Variants in SPIDR observed in about 807,000 individuals in gnomAD.
SPIDR encodes the protein scaffold protein involved in DNA repair.
Under a neutral mutation model 104.6 loss-of-function variants are expected in SPIDR, and 93 were observed. The observed-to-expected ratio is 0.89, with a 90% confidence interval of 0.75 to 1.06. SPIDR has a LOEUF of 1.06. Among genes scored for constraint, SPIDR ranks in the 50% least tolerant of loss-of-function variants. SPIDR has a pLI of 0.00. For synonymous variants in SPIDR, 431 were observed against 416.9 expected, an observed-to-expected ratio of 1.03 and a Z score of -0.41; for missense variants, 1,154 against 1,111.2, an observed-to-expected ratio of 1.04 and a Z score of -0.55.
chr8:47,700,724 T>C (rs1563588951), intron 12 of SPIDR, among the ~76,000 whole-genome samples: 1 of 152,210 alleles, frequency 6.6e-6, no homozygotes, highest in Non-Finnish European at 1.5e-5. Flanking sequence ...CAGCATTTTC[T>C]TGAAGTTAAC....
chr8:47,535,684 G>T (rs1385943778), intron 8 of SPIDR, among the ~76,000 whole-genome samples: 2 of 151,808 alleles, frequency 1.3e-5, no homozygotes, highest in Non-Finnish European at 2.9e-5. Context: ...CCCATTTTTT[G>T]ATGTTAAAAA....
At chr8:47,418,415 C>T (rs540332889) in intron 7 of SPIDR, among the ~76,000 whole-genome samples, 1 of 152,238 alleles carries the variant, frequency 6.6e-6, no homozygotes, top group South Asian at 2.1e-4. Flanking sequence ...CAGGATGTGG[C>T]TCTCTGTTTG....
chr8:47,316,677 T>C (rs1554589880), intron 5 of SPIDR, among the ~76,000 whole-genome samples: 1 of 152,152 alleles, frequency 6.6e-6, no homozygotes, highest in African/African-American at 2.4e-5. Flanking sequence ...GAAAAAGCAG[T>C]GCTGTCTTCG....
At position 47,277,531 on chromosome 8, in the gene SPIDR, A is replaced by ATTT. The variant is rs1352583975; in HGVS notation, c.34-2320_34-2318dup. ...CAGATGAACATTCCCACCCCTGCTA[A>ATTT]TTTTTTTTTTTTTAGGGACTTGCTA... On this transcript the variant is annotated intron_variant, in intron 1 of 19. Coordinates refer to ENST00000297423, the MANE Select transcript of SPIDR (RefSeq NM_001080394.4). 4.8e-3 allele frequency among the ~76,000 whole-genome samples: 679 copies of ATTT among 140,122 alleles called. 6 individuals are homozygous for ATTT. The highest frequency in any genetic ancestry group is 0.017 in the African/African-American group (642 of 38,156). The allele number at this position is 140,122 out of a possible 152,430, so 91.9% of individuals were successfully genotyped here.
chr8:47,480,811 G>A (rs1328830152), intron 8 of SPIDR, among the ~76,000 whole-genome samples: 1 of 152,160 alleles, frequency 6.6e-6, no homozygotes, highest in Non-Finnish European at 1.5e-5. Flanking sequence ...CCCTATGAGA[G>A]GTTTCTTCAT....
intron 19 of SPIDR, among the ~76,000 whole-genome samples, chr8:47,730,305 C>G (rs2084993143): frequency 6.6e-6 from 1 of 152,194 alleles, no homozygotes; most frequent in South Asian, 2.1e-4. Flanking sequence ...AATGAGACAT[C>G]TGTCCTAGAG....
intron 16 of SPIDR, among the ~76,000 whole-genome samples, chr8:47,725,478 G>C (rs1272010073): frequency 6.6e-6 from 1 of 152,020 alleles, no homozygotes; most frequent in Non-Finnish European, 1.5e-5. Context: ...TACAACCTCT[G>C]CCTCCTGGGT....
At chr8:47,633,294 C>G (rs1250368226) in intron 10 of SPIDR, among the ~76,000 whole-genome samples, 2 of 151,988 alleles carry the variant, frequency 1.3e-5, no homozygotes, top group East Asian at 1.9e-4. Context: ...AGCCAGTCAT[C>G]TGAGACTCTA....
chr8:47,660,497 A>G, intron 10 of SPIDR: 4 of 985,418 alleles, frequency 4.1e-6, no homozygotes, highest in Non-Finnish European at 4.8e-6. Flanking sequence ...GCGGAATGGC[A>G]GCTGATGGCT....
chr8:47,610,654 A>G (rs1160950546), intron 10 of SPIDR, among the ~76,000 whole-genome samples: 1 of 152,198 alleles, frequency 6.6e-6, no homozygotes, highest in Non-Finnish European at 1.5e-5. Flanking sequence ...CAATGGCTTG[A>G]GCCAGCTCAG....
intron 11 of SPIDR, among the ~76,000 whole-genome samples, chr8:47,699,846 C>T (rs2079890967): frequency 6.6e-6 from 1 of 152,210 alleles, no homozygotes; most frequent in African/African-American, 2.4e-5. Flanking sequence ...TGAGCCACCG[C>T]ACCCAGCCCA....
intron 8 of SPIDR, among the ~76,000 whole-genome samples, chr8:47,486,264 T>C (rs1770094686): frequency 6.6e-6 from 1 of 151,830 alleles, no homozygotes; most frequent in Non-Finnish European, 1.5e-5. Flanking sequence ...AGACTGGAGA[T>C]CAAATGAATG....
chr8:47,419,830 G>A (rs1293278561), intron 7 of SPIDR, among the ~76,000 whole-genome samples: 26 of 152,072 alleles, frequency 1.7e-4, no homozygotes, highest in African/African-American at 2.4e-4. Context: ...CTTTGTTCTC[G>A]TTGGTTTCAA....
intron 10 of SPIDR, among the ~76,000 whole-genome samples, chr8:47,610,784 G>T (rs1015112485): frequency 6.6e-6 from 1 of 152,212 alleles, no homozygotes; most frequent in Non-Finnish European, 1.5e-5. Flanking sequence ...CTCACTTGCT[G>T]CTCTGGCACT....
chr8:47,452,008 A>G (rs2071855813), intron 8 of SPIDR, among the ~76,000 whole-genome samples: 2 of 152,150 alleles, frequency 1.3e-5, no homozygotes, highest in African/African-American at 4.8e-5. Context: ...GAAATTCTTG[A>G]AGAATAACAT....
intron 8 of SPIDR, among the ~76,000 whole-genome samples, chr8:47,583,221 G>T (rs547871715): frequency 6.6e-6 from 1 of 151,310 alleles, no homozygotes; most frequent in South Asian, 2.1e-4. Flanking sequence ...CAGGAGAATT[G>T]CGTGAACCCA....
At chr8:47,349,854 G>A (rs566463576) in intron 5 of SPIDR, among the ~76,000 whole-genome samples, 38 of 152,318 alleles carry the variant, frequency 2.5e-4, no homozygotes, top group Admixed American at 6.5e-4. Context: ...GGAGTGTCCC[G>A]ATTTTCCAGG....
chr8:47,427,340 A>G (rs2154337796), intron 7 of SPIDR, among the ~76,000 whole-genome samples: 1 of 151,692 alleles, frequency 6.6e-6, no homozygotes, highest in South Asian at 2.1e-4. Context: ...TTACAAAAAA[A>G]GAAATTTGTC....
At chr8:47,404,609 A>C (rs1450562459) in intron 6 of SPIDR, among the ~76,000 whole-genome samples, 1 of 152,234 alleles carries the variant, frequency 6.6e-6, no homozygotes, top group Non-Finnish European at 1.5e-5. Context: ...AATGCTCATC[A>C]TCACTGGCCA....
Sources: gnomAD v4.1 joint callset for allele counts (sites outside exome capture counted in the v4.1 genomes callset) on GRCh38, gnomAD v4.1.1 for gene constraint, MANE v1.5 for transcripts, NCBI Gene and HGNC (gene_info 2026-07-23, HGNC 2026-07-21) for gene names.